Variants in NBEAL1 observed in about 807,000 individuals in gnomAD.
The protein encoded by NBEAL1 is neurobeachin-like protein 1.
A neutral mutation model predicts 351.3 loss-of-function variants in NBEAL1; 273 were observed. The ratio of observed to expected loss-of-function variants is 0.78; its 90% confidence interval spans 0.70 to 0.86. NBEAL1 has a LOEUF of 0.86. Ranked by LOEUF, NBEAL1 falls within the 40% of genes least tolerant of loss-of-function variation. The pLI, the probability that NBEAL1 is intolerant of heterozygous loss-of-function variation, is 0.00. For synonymous variants in NBEAL1, 1,050 were observed against 1,086.4 expected, an observed-to-expected ratio of 0.97 and a Z score of 0.66; for missense variants, 2,961 against 3,201.3, an observed-to-expected ratio of 0.92 and a Z score of 1.81.
At chr2:203,040,694 G>A (rs2061126563) in intron 2 of NBEAL1, 3 of 627,490 alleles carry the variant, frequency 4.8e-6, no homozygotes, top group Non-Finnish European at 8.9e-6. Context: ...GCCTTCCCAG[G>A]GAAGTATTTC....
At chr2:203,213,694 G>A (rs1445962223) in intron 55 of NBEAL1, 41 bp downstream of exon 55, 8 of 1,610,678 alleles carry the variant, frequency 5.0e-6, no homozygotes, top group African/African-American at 4.0e-5. Context: ...CATGCTGTTG[G>A]GGATTACTTT....
chr2:203,215,167 C>T (rs1027112564), intron 55 of NBEAL1, among the ~76,000 whole-genome samples: 6 of 152,074 alleles, frequency 3.9e-5, no homozygotes, highest in African/African-American at 1.4e-4. Flanking sequence ...GCCATCTCAG[C>T]CAACATGGTG....
intron 10 of NBEAL1, among the ~76,000 whole-genome samples, chr2:203,092,381 C>CTG (rs2062084083): frequency 6.6e-6 from 1 of 150,728 alleles, no homozygotes; most frequent in African/African-American, 2.4e-5. Flanking sequence ...TGGTGAAACC[C>CTG]TGTCTCTACT....
At chr2:203,205,387 A>G (rs1391029316) in intron 51 of NBEAL1, among the ~76,000 whole-genome samples, 1 of 152,170 alleles carries the variant, frequency 6.6e-6, no homozygotes, top group Admixed American at 6.5e-5. Flanking sequence ...AACAAAGACA[A>G]TCTTGTACAT....
In NBEAL1 at chr2:203,127,940, A is replaced by T; in HGVS notation, c.3405+3A>T. ...CTGCTACTAATGAAGAAGAACAGGT[A>T]TTATGCCTAAGATACATCTACTTTT... On this transcript the variant is annotated splice_donor_region_variant and intron_variant, in intron 24 of 55. Transcript: ENST00000683969. The T allele has an allele frequency of 6.5e-7, 1 of 1,545,864 alleles. No individual in the cohort carries two copies. Among genetic ancestry groups the T allele is most frequent in the Non-Finnish European group, 8.8e-7 (1 of 1,142,688 alleles).
intron 43 of NBEAL1, chr2:203,182,405 A>G (rs936870777): frequency 3.3e-5 from 5 of 152,202 alleles, no homozygotes; most frequent in African/African-American, 1.2e-4. Flanking sequence ...ACTCTTTCTC[A>G]TAAGTTCTCC....
At chr2:203,114,629 G>A (rs2062648869) in intron 17 of NBEAL1, among the ~76,000 whole-genome samples, 1 of 152,170 alleles carries the variant, frequency 6.6e-6, no homozygotes, top group Non-Finnish European at 1.5e-5. Flanking sequence ...TTATGTAACT[G>A]CAGAATAGCT....
rs1469879910 is a variant in NBEAL1 at position 203,129,399 on chromosome 2, T to A, written c.3406-919T>A. Among the ~76,000 whole-genome samples the A allele has an allele frequency of 2.6e-5, 4 of 152,320 alleles. No individual in the cohort carries two copies. The South Asian group carries it at 8.3e-4, about 32-fold the overall frequency. ...TATATAATATTTATTATTTACTCAG[T>A]GGTTACATGACTTCATTATCGGTAT... On this transcript the variant is annotated intron_variant, in intron 24 of 55. Transcript: ENST00000683969.
intron 3 of NBEAL1, among the ~76,000 whole-genome samples, chr2:203,049,224 A>T (rs1019592692): frequency 6.6e-6 from 1 of 151,788 alleles, no homozygotes; most frequent in African/African-American, 2.4e-5. Context: ...GAAACCAGCT[A>T]ATTTTTTGTA....
At chr2:203,206,808 G>C (rs1483165978) in intron 51 of NBEAL1, among the ~76,000 whole-genome samples, 3 of 151,440 alleles carry the variant, frequency 2.0e-5, no homozygotes, top group Non-Finnish European at 2.9e-5. Context: ...GCCTCCCAAA[G>C]TGCCGAGATT....
intron 2 of NBEAL1, among the ~76,000 whole-genome samples, chr2:203,029,246 TC>T (rs2060910829): frequency 6.6e-6 from 1 of 152,136 alleles, no homozygotes; most frequent in Non-Finnish European, 1.5e-5. Flanking sequence ...CGCCTCAGCT[TC>T]CCAAAGTGTT....
At chr2:203,126,467 A>T in intron 21 of NBEAL1, 90 bp from the exon 22 acceptor site, 1 of 1,011,442 alleles carries the variant, frequency 9.9e-7, no homozygotes, top group Non-Finnish European at 1.3e-6. Context: ...TTTTATACTT[A>T]GTAGATGTTC....
At position 203,041,843 on chromosome 2, in the gene NBEAL1, A is replaced by G. The variant is rs1026720148; in HGVS notation, c.130A>G (p.Lys44Glu). The change falls in exon 3 of 56, where the codon AAG becomes GAG. Residue 44 changes from lysine to glutamate, a missense_variant. Coordinates refer to ENST00000683969, the MANE Select transcript of NBEAL1 (RefSeq NM_001378026.1). ...ACAATTTTTAGACGTTGACTTTGAAAAGCTGCCTACCAGGTATGTAGAAAC... is the reference window on the plus strand; with the variant it reads ...ACAATTTTTAGACGTTGACTTTGAAGAGCTGCCTACCAGGTATGTAGAAAC... ...YEQFLDVDFE[K>E]LPTRVDDMPP... 38 of 1,552,644 alleles carry G rather than the reference A, an allele frequency of 2.4e-5. No individual in the cohort carries two copies. The highest frequency in any genetic ancestry group is 3.2e-5 in the Non-Finnish European group (37 of 1,146,966).
At chr2:203,030,408 C>T (rs1211224860) in intron 2 of NBEAL1, among the ~76,000 whole-genome samples, 2 of 151,998 alleles carry the variant, frequency 1.3e-5, no homozygotes, top group Non-Finnish European at 2.9e-5. Flanking sequence ...CAAGATGGGC[C>T]TCTCCATAGT....
At chr2:203,133,703 T>TTA (rs1163894497) in intron 27 of NBEAL1, among the ~76,000 whole-genome samples, 5 of 148,978 alleles carry the variant, frequency 3.4e-5, no homozygotes, top group African/African-American at 1.2e-4. Flanking sequence ...TCACAGTTCT[T>TTA]GATATATATA....
chr2:203,138,507 A>G (rs539237211), intron 30 of NBEAL1, 113 bp from the exon 31 acceptor site: 3 of 1,193,676 alleles, frequency 2.5e-6, no homozygotes, highest in Non-Finnish European at 3.5e-6. Flanking sequence ...TCAACTGAAC[A>G]TTGGACTAGC....
intron 2 of NBEAL1, among the ~76,000 whole-genome samples, chr2:203,020,220 G>C (rs1004901695): frequency 6.6e-6 from 1 of 152,066 alleles, no homozygotes; most frequent in African/African-American, 2.4e-5. Flanking sequence ...TCTAGGAATA[G>C]GCTTTAATTA....
Position 203,135,685 on chromosome 2 carries a change from A to G in NBEAL1, c.3822A>G (p.Gln1274=), listed in dbSNP as rs189175469. 7 of 1,490,098 alleles carry G rather than the reference A, an allele frequency of 4.7e-6. No homozygotes were observed. The East Asian group carries it at 1.5e-4, about 31-fold the overall frequency. 92.3% of individuals were successfully genotyped at this position (1,490,098 alleles called of 1,614,324 possible). ...VRVAICRKVL[Q]ILQFQPDAAH... ...TCTAAATCTTTTTACAGGTTTTGCAAATTTTGCAGTTCCAGCCAGATGCAG... is the reference window on the plus strand; with the variant it reads ...TCTAAATCTTTTTACAGGTTTTGCAGATTTTGCAGTTCCAGCCAGATGCAG... Residue 1274 remains glutamine, a synonymous_variant, in exon 28 of 56, where the codon CAA becomes CAG. Coordinates refer to ENST00000683969, the MANE Select transcript of NBEAL1 (RefSeq NM_001378026.1).
intron 33 of NBEAL1, among the ~76,000 whole-genome samples, chr2:203,146,045 G>A (rs1371700689): frequency 6.7e-6 from 1 of 149,416 alleles, no homozygotes; most frequent in African/African-American, 2.4e-5. Flanking sequence ...TTTATACCAG[G>A]AAAGAAAGAG....
Sources: gnomAD v4.1 joint callset for allele counts (sites outside exome capture counted in the v4.1 genomes callset) on GRCh38, gnomAD v4.1.1 for gene constraint, MANE v1.5 for transcripts, NCBI Gene and HGNC (gene_info 2026-07-23, HGNC 2026-07-21) for gene names.